L1TD1: variants seen among roughly 807,000 people sequenced by gnomAD.
L1TD1 encodes LINE-1 type transposase domain-containing protein 1.
L1TD1 carries 26 observed loss-of-function variants against 25.7 expected under a neutral mutation model. That is an observed-to-expected ratio of 1.01 (90% confidence interval 0.74 to 1.40). The LOEUF is 1.40. Ranked by LOEUF, L1TD1 falls within the 40% of genes most tolerant of loss-of-function variation. The pLI, the probability that L1TD1 is intolerant of heterozygous loss-of-function variation, is 0.00. For synonymous variants in L1TD1, 421 were observed against 335.6 expected (o/e 1.25, Z -2.78); for missense variants, 1,130 against 975.0 (o/e 1.16, Z -2.12).
At position 62,210,313 on chromosome 1, in the gene L1TD1, T is replaced by C. The variant is rs777820485; in HGVS notation, c.1539T>C (p.Tyr513=). The C allele has an allele frequency of 3.7e-6, 6 of 1,614,094 alleles. No individual in the cohort carries two copies. Among genetic ancestry groups the C allele is most frequent in the South Asian group, 1.1e-5 (1 of 91,056 alleles). Residue 513 remains tyrosine (Y), a synonymous_variant, in exon 4 of 4, where the codon TAT becomes TAC. Coordinates refer to ENST00000498273, the MANE Select transcript of L1TD1 (RefSeq NM_019079.5). ...SRRQKEIPFS[Y]LVGDSGKKKL... is the part of the protein sequence containing the mutation. ...GACAAAAAGAAATTCCCTTTAGTTATTTGGTTGGGGACTCTGGGAAGAAAA... is the reference window on the plus strand; with the variant it reads ...GACAAAAAGAAATTCCCTTTAGTTACTTGGTTGGGGACTCTGGGAAGAAAA...
chr1:62,200,537 A>C (rs1420397991), intron 2 of L1TD1, among the ~76,000 whole-genome samples: 1 of 152,042 alleles, frequency 6.6e-6, no homozygotes, highest in Non-Finnish European at 1.5e-5. Context: ...AGTTATATCT[A>C]TTCTATATAA....
In L1TD1 at chr1:62,194,853, C is replaced by G. The variant is rs150445069; in HGVS notation, c.-273C>G. Reference sequence around the variant, plus strand: ...CCAGAGATCGGGAATCCTCTCAGTCCTTAGTTACAAGGCTCCATCCTCACT... The same window carrying G: ...CCAGAGATCGGGAATCCTCTCAGTCGTTAGTTACAAGGCTCCATCCTCACT... On this transcript the variant is annotated 5_prime_UTR_variant, in exon 1 of 4. Transcript: ENST00000498273. 1 of 152,406 alleles carries G rather than the reference C, an allele frequency of 6.6e-6. No homozygotes were observed. The highest frequency in any genetic ancestry group is 6.5e-5 in the Admixed American group (1 of 15,286). 9.4% of individuals were successfully genotyped at this position (152,406 alleles called of 1,614,324 possible).
chr1:62,198,358 C>G (rs905660719), intron 2 of L1TD1, among the ~76,000 whole-genome samples: 2 of 150,154 alleles, frequency 1.3e-5, no homozygotes, highest in Admixed American at 1.3e-4. Context: ...GTCACCTGTA[C>G]GTTGTGAGAG....
chr1:62,211,117 A>G lies in L1TD1; in HGVS notation c.2343A>G (p.Arg781=), dbSNP rs1176175065. The G allele has an allele frequency of 1.3e-6, 2 of 1,548,854 alleles. No homozygotes were observed. The highest frequency in any genetic ancestry group is 2.4e-5 in the East Asian group (1 of 40,894). Residue 781 remains arginine (R), a synonymous_variant, in exon 4 of 4, where the codon AGA becomes AGG. Transcript: ENST00000498273. ...EKIIRASRER[R]EITYQGTRIR... ...TAATAAGGGCTTCTAGAGAGAGAAG[A>G]GAAATTACCTACCAAGGAACAAGAA...
At chr1:62,205,891 C>G (rs1670735893) in intron 2 of L1TD1, among the ~76,000 whole-genome samples, 1 of 151,856 alleles carries the variant, frequency 6.6e-6, no homozygotes, top group Non-Finnish European at 1.5e-5. Flanking sequence ...GTCACTATGC[C>G]CAGCTAATTT....
chr1:62,197,158 G>A (rs981430675), intron 2 of L1TD1, among the ~76,000 whole-genome samples: 1 of 151,824 alleles, frequency 6.6e-6, no homozygotes, highest in Non-Finnish European at 1.5e-5. Flanking sequence ...GGTTGAGGAG[G>A]CCAGATCACT....
At chr1:62,195,750 C>A (rs1015708231) in intron 1 of L1TD1, among the ~76,000 whole-genome samples, 2 of 149,388 alleles carry the variant, frequency 1.3e-5, no homozygotes, top group African/African-American at 2.5e-5. Context: ...GAAACTGTCT[C>A]AAATAAAAAA....
At chr1:62,197,594 CTGG>C (rs869261262) in intron 2 of L1TD1, among the ~76,000 whole-genome samples, 18 of 151,886 alleles carry the variant, frequency 1.2e-4, no homozygotes, top group African/African-American at 3.4e-4. Context: ...CCGAAAGGTG[CTGG>C]GATTACAGGC....
At chr1:62,205,950 C>T (rs576749053) in intron 2 of L1TD1, among the ~76,000 whole-genome samples, 2 of 151,808 alleles carry the variant, frequency 1.3e-5, no homozygotes, top group African/African-American at 2.4e-5. Flanking sequence ...AGGCTGGTCT[C>T]GAACTCCTGG....
intron 2 of L1TD1, 23 bp from the exon 3 acceptor site, chr1:62,206,496 T>C: frequency 1.1e-6 from 1 of 929,392 alleles, no homozygotes; most frequent in African/African-American, 1.7e-5. Context: ...TAGTAAGTAA[T>C]TTTTCATTTT....
rs954053586 is a variant in L1TD1 at position 62,203,084 on chromosome 1, C to T, written c.-110-3435C>T. On this transcript the variant is annotated intron_variant, in intron 2 of 3. Coordinates refer to ENST00000498273, the MANE Select transcript of L1TD1 (RefSeq NM_019079.5). ...CAATCCGCTCACTCACCTCGGCCAC[C>T]GAAAGTGCTGGGATTACAGGTGTGA... 2.0e-5 allele frequency among the ~76,000 whole-genome samples: 3 copies of T among 152,064 alleles called. No homozygotes were observed. In the East Asian group the frequency reaches 5.8e-4, roughly 29 times the overall value.
At position 62,210,400 on chromosome 1, in the gene L1TD1, A is replaced by C; in HGVS notation, c.1626A>C (p.Thr542=). 9 of 1,614,082 alleles carry C rather than the reference A, an allele frequency of 5.6e-6. No individual in the cohort carries two copies. Among genetic ancestry groups the C allele is most frequent in the Non-Finnish European group, 7.6e-6 (9 of 1,180,008 alleles). Residue 542 remains threonine (T), a synonymous_variant, in exon 4 of 4, where the codon ACA becomes ACC. Coordinates refer to ENST00000498273, the MANE Select transcript of L1TD1 (RefSeq NM_019079.5). ...TQEEEETAVP[T]SQGTGTPCLT... The stretch of plus-strand genomic sequence containing the variant: ...AGGAAGAGGAAACAGCTGTGCCCAC[A>C]AGTCAAGGAACTGGCACACCCTGTC...
In L1TD1 at chr1:62,206,720, C is replaced by G. The variant is rs780570529; in HGVS notation, c.92C>G (p.Thr31Arg). The G allele has an allele frequency of 1.3e-6, 2 of 1,550,948 alleles. No individual in the cohort carries two copies. Among genetic ancestry groups the G allele is most frequent in the Non-Finnish European group, 1.7e-6 (2 of 1,146,788 alleles). The change falls in exon 3 of 4, where the codon ACA becomes AGA. Residue 31 changes from threonine (T) to arginine (R), a missense_variant. Coordinates refer to ENST00000498273, the MANE Select transcript of L1TD1 (RefSeq NM_019079.5). ...ACCTATATGAAAAGAGAGCAGTTAA[C>G]AGAAACTGATAAGGACATAGCTCCG... ...NITYMKREQLTETDKDIAPVL... is the reference protein window; with the variant it reads ...NITYMKREQLRETDKDIAPVL...
At chr1:62,206,037 G>A (rs780912130) in intron 2 of L1TD1, among the ~76,000 whole-genome samples, 35 of 152,102 alleles carry the variant, frequency 2.3e-4, no homozygotes, top group Non-Finnish European at 4.1e-4. Context: ...GGCCAAGAAA[G>A]TCATTTTGAA....
In L1TD1 at chr1:62,207,041, A is replaced by T. The variant is rs1670761722; in HGVS notation, c.413A>T (p.Glu138Val). Reference protein sequence around the residue: ...DDNENLTFKLEVNELSGKLDN... With the variant: ...DDNENLTFKLVVNELSGKLDN... ...AATGAAAATTTAACCTTTAAATTAG[A>T]AGTAAATGAGCTGAGTGGTAAATTA... is the stretch of plus-strand genomic sequence containing the variant. Residue 138 changes from glutamate to valine, a missense_variant, in exon 3 of 4, where the codon GAA becomes GTA. By Grantham distance (121) the Glu-to-Val change is moderately radical. Transcript: ENST00000498273. The T allele has an allele frequency of 6.2e-7, 1 of 1,613,766 alleles. No individual in the cohort carries two copies. The highest frequency in any genetic ancestry group is 1.3e-5 in the African/African-American group (1 of 75,038).
At chr1:62,205,441 ATAT>A (rs1442712252) in intron 2 of L1TD1, among the ~76,000 whole-genome samples, 28 of 53,874 alleles carry the variant, frequency 5.2e-4, no homozygotes, top group South Asian at 1.4e-3. Context: ...ATATATATAT[ATAT>A]TTTTTTTTAG....
chr1:62,209,800 C>A lies in L1TD1; in HGVS notation c.1026C>A (p.Asp342Glu). Reference protein sequence around the residue: ...IQEKRDKTLIDSKHRAGEITS... With the variant: ...IQEKRDKTLIESKHRAGEITS... ...ACTTTCAGGATAAAACCCTAATAGA[C>A]TCAAAGCATAGAGCTGGAGAAATAA... Residue 342 changes from aspartate to glutamate, a missense_variant, in exon 4 of 4, where the codon GAC (aspartate) becomes GAA (glutamate). By Grantham distance (45) the Asp-to-Glu change is conservative. Coordinates refer to ENST00000498273, the MANE Select transcript of L1TD1 (RefSeq NM_019079.5). The A allele has an allele frequency of 6.3e-7, 1 of 1,584,488 alleles. No individual in the cohort carries two copies. The highest frequency in any genetic ancestry group is 8.6e-7 in the Non-Finnish European group (1 of 1,164,752).
chr1:62,197,755 A>G (rs1019731367), intron 2 of L1TD1, among the ~76,000 whole-genome samples: 2 of 152,018 alleles, frequency 1.3e-5, no homozygotes, highest in East Asian at 3.9e-4. Context: ...GCACGCTTGT[A>G]GTCCCAGCTA....
Position 62,210,319 on chromosome 1 carries a change from T to G in L1TD1, c.1545T>G (p.Val515=), listed in dbSNP as rs1476571037. Residue 515 remains valine, a synonymous_variant, in exon 4 of 4, where the codon GTT becomes GTG. Transcript: ENST00000498273. ...RQKEIPFSYL[V]GDSGKKKLVK... is the part of the protein sequence containing the mutation. The stretch of plus-strand genomic sequence containing the variant: ...AAGAAATTCCCTTTAGTTATTTGGT[T>G]GGGGACTCTGGGAAGAAAAAGTTGG... The G allele has an allele frequency of 1.4e-5, 22 of 1,613,860 alleles. No homozygotes were observed. Among genetic ancestry groups the G allele is most frequent in the Non-Finnish European group, 1.6e-5 (19 of 1,180,004 alleles).
Sources: gnomAD v4.1 joint callset for allele counts (sites outside exome capture counted in the v4.1 genomes callset) on GRCh38, gnomAD v4.1.1 for gene constraint, MANE v1.5 for transcripts, NCBI Gene and HGNC (gene_info 2026-07-23, HGNC 2026-07-21) for gene names.